Variants in VOPP1 observed in about 807,000 individuals in gnomAD.
VOPP1 encodes WW domain binding protein VOPP1.
Under a neutral mutation model 23.5 loss-of-function variants are expected in VOPP1, and 8 were observed. The ratio of observed to expected loss-of-function variants is 0.34; its 90% confidence interval spans 0.20 to 0.61. VOPP1 has a LOEUF of 0.61. Among genes scored for constraint, VOPP1 ranks in the 20% least tolerant of loss-of-function variants. VOPP1 has a pLI of 0.78. For missense variants in VOPP1, 174 were observed against 238.1 expected (o/e 0.73, Z 1.77); for synonymous variants, 83 against 97.3 (o/e 0.85, Z 0.86).
At chr7:55,497,821 T>G (rs1794083846) in intron 2 of VOPP1, 131 bp from the exon 3 acceptor site, 1 of 723,906 alleles carries the variant, frequency 1.4e-6, no homozygotes. Context: ...AGGACAGAAC[T>G]GCCTCCACTG....
intron 1 of VOPP1, among the ~76,000 whole-genome samples, chr7:55,532,177 A>C (rs1796533143): frequency 6.6e-6 from 1 of 152,238 alleles, no homozygotes; most frequent in Non-Finnish European, 1.5e-5. Context: ...GTCTGACTAA[A>C]GGCTGAATAA....
chr7:55,528,296 T>A (rs2129045261), intron 1 of VOPP1, among the ~76,000 whole-genome samples: 1 of 152,344 alleles, frequency 6.6e-6, no homozygotes, highest in South Asian at 2.1e-4. Context: ...TGTACCGAAA[T>A]ACTGACAACT....
At chr7:55,518,283 G>A (rs976172615) in intron 2 of VOPP1, among the ~76,000 whole-genome samples, 5 of 152,228 alleles carry the variant, frequency 3.3e-5, no homozygotes, top group African/African-American at 1.2e-4. Flanking sequence ...CAGGGAAAGT[G>A]CTTCATGCTA....
intron 1 of VOPP1, among the ~76,000 whole-genome samples, chr7:55,531,970 A>G (rs1192734830): frequency 1.3e-5 from 2 of 152,256 alleles, no homozygotes; most frequent in Non-Finnish European, 2.9e-5. Flanking sequence ...CAGAAAGATT[A>G]ATAAGTGGAG....
chr7:55,468,284 A>G (rs2018450), downstream of VOPP1, among the ~76,000 whole-genome samples: 7,297 of 147,356 alleles, frequency 0.05, 600 homozygotes, highest in African/African-American at 0.17. Flanking sequence ...AAAAAAAAAA[A>G]AAAAGAAAAA....
chr7:55,489,307 A>G (rs1195606551), intron 4 of VOPP1, among the ~76,000 whole-genome samples: 3 of 152,130 alleles, frequency 2.0e-5, no homozygotes, highest in Admixed American at 2.0e-4. Flanking sequence ...ATAAAATGAA[A>G]AACGGATGGC....
intron 1 of VOPP1, among the ~76,000 whole-genome samples, chr7:55,568,225 G>A (rs944071054): frequency 4.6e-5 from 7 of 151,898 alleles, no homozygotes; most frequent in South Asian, 2.1e-4. Flanking sequence ...GACTACAGGC[G>A]CCCGCCACCA....
chr7:55,531,714 C>T (rs117167571), intron 1 of VOPP1, among the ~76,000 whole-genome samples: 1 of 152,180 alleles, frequency 6.6e-6, no homozygotes, highest in Non-Finnish European at 1.5e-5. Flanking sequence ...AAAAAGTCAA[C>T]AGATCAGCTC....
intron 2 of VOPP1, among the ~76,000 whole-genome samples, chr7:55,507,531 A>G (rs1794811377): frequency 6.6e-6 from 1 of 152,232 alleles, no homozygotes; most frequent in Non-Finnish European, 1.5e-5. Flanking sequence ...AAGTCTAGGC[A>G]TAATCTGATT....
At chr7:55,439,319 C>T (rs933639526) in intron 4 of VOPP1, among the ~76,000 whole-genome samples, 1 of 151,836 alleles carries the variant, frequency 6.6e-6, no homozygotes, top group Non-Finnish European at 1.5e-5. Flanking sequence ...AGGGAGGGGT[C>T]GCCTGTGTCA....
intron 4 of VOPP1, among the ~76,000 whole-genome samples, chr7:55,447,118 CTG>C (rs1430213147): frequency 6.6e-6 from 1 of 152,192 alleles, no homozygotes; most frequent in African/African-American, 2.4e-5. Context: ...TCAACCAAAA[CTG>C]TGTCATGTGA....
At chr7:55,456,761 G>C (rs1415078301) in intron 4 of VOPP1, among the ~76,000 whole-genome samples, 2 of 152,048 alleles carry the variant, frequency 1.3e-5, no homozygotes, top group Non-Finnish European at 1.5e-5. Context: ...AAAACACATG[G>C]ACACAGGGAG....
intron 4 of VOPP1, among the ~76,000 whole-genome samples, chr7:55,455,609 A>G (rs1295305762): frequency 1.3e-5 from 2 of 152,218 alleles, no homozygotes; most frequent in Non-Finnish European, 2.9e-5. Context: ...ACAGATATAT[A>G]GACAAATGGA....
Position 55,497,566 on chromosome 7 carries a change from G to T in VOPP1, c.191+47C>A, listed in dbSNP as rs753927048. ...GTGACAACACTGATGGGGGGGGGGGGGGGGCAGAGCTCTCGGGGTAGGGAA... is the reference window on the plus strand; with the variant it reads ...GTGACAACACTGATGGGGGGGGGGGTGGGGCAGAGCTCTCGGGGTAGGGAA... On this transcript the variant is annotated intron_variant, in intron 3 of 4. Coordinates refer to ENST00000285279, the MANE Select transcript of VOPP1 (RefSeq NM_030796.5). 158 of 1,409,740 alleles carry T rather than the reference G, an allele frequency of 1.1e-4. 5 individuals are homozygous for T. In the Middle Eastern group the frequency reaches 1.8e-3, roughly 16 times the overall value. The allele number at this position is 1,409,740 out of a possible 1,614,324, so 87.3% of individuals were successfully genotyped here. A position where few individuals can be genotyped will look rare whatever the true frequency, so the allele number is the denominator to read the frequency against.
intron 4 of VOPP1, among the ~76,000 whole-genome samples, chr7:55,484,732 T>C (rs1472759432): frequency 1.3e-5 from 2 of 152,228 alleles, no homozygotes; most frequent in Non-Finnish European, 2.9e-5. Context: ...CAATGGTTAC[T>C]GTAAAAGACG....
chr7:55,461,900 T>G (rs1791510069), intron 4 of VOPP1, among the ~76,000 whole-genome samples: 1 of 152,214 alleles, frequency 6.6e-6, no homozygotes, highest in African/African-American at 2.4e-5. Flanking sequence ...AGTGGTAACA[T>G]TTGATTCCTT....
rs1382240196 is a variant in VOPP1 at position 55,521,061 on chromosome 7, C to T, written c.113+11G>A. ...CACAGAATGAAACCACAGAAAGGTG[C>T]AAATACTTACATATAATAGGTTGGA... On this transcript the variant is annotated intron_variant, in intron 2 of 4. Transcript: ENST00000285279. The T allele has an allele frequency of 6.4e-7, 1 of 1,568,460 alleles. No individual in the cohort carries two copies. Among genetic ancestry groups the T allele is most frequent in the South Asian group, 1.2e-5 (1 of 85,016 alleles).
At chr7:55,475,218 G>A (rs115683026) in intron 4 of VOPP1, among the ~76,000 whole-genome samples, 2 of 152,274 alleles carry the variant, frequency 1.3e-5, no homozygotes, top group African/African-American at 2.4e-5. Context: ...AACACAGCTC[G>A]GTGAGGGTAA....
At position 55,482,235 on chromosome 7, in the gene VOPP1, T is replaced by C. The variant is rs553755584; in HGVS notation, c.329-9190A>G. Among the ~76,000 whole-genome samples the C allele has an allele frequency of 1.8e-3, 279 of 152,244 alleles. 1 individual carries two copies. The highest frequency in any genetic ancestry group is 6.0e-3 in the African/African-American group (249 of 41,538). ...GGGAATTGGACTGCAGACTGTATATTTCTTCTTCCACTGTATAACGCTGTA... is the reference window on the plus strand; with the variant it reads ...GGGAATTGGACTGCAGACTGTATATCTCTTCTTCCACTGTATAACGCTGTA... On this transcript the variant is annotated intron_variant, in intron 4 of 4. Transcript: ENST00000285279.
Sources: allele counts gnomAD v4.1 joint callset (sites outside exome capture counted in the v4.1 genomes callset), GRCh38; gene constraint gnomAD v4.1.1; transcripts MANE v1.5; gene names NCBI Gene and HGNC (gene_info 2026-07-23, HGNC 2026-07-21).